The following KSR2 variants were observed in gnomAD, a reference collection of about 807,000 sequenced individuals.
KSR2 encodes the protein kinase suppressor of ras 2.
KSR2 carries 25 observed loss-of-function variants against 107.8 expected under a neutral mutation model. The observed-to-expected ratio is 0.23, with a 90% CI of 0.17 to 0.32. The LOEUF is 0.32. Among genes scored for constraint, KSR2 ranks in the 10% least tolerant of loss-of-function variants. The pLI is 1.00. For missense variants in KSR2, 887 were observed against 1,268.9 expected (o/e 0.70, Z 4.57); for synonymous variants, 480 against 507.0 (o/e 0.95, Z 0.71).
intron 1 of KSR2, among the ~76,000 whole-genome samples, chr12:117,899,211 C>T (rs1035874439): frequency 6.6e-6 from 1 of 152,146 alleles, no homozygotes; most frequent in African/African-American, 2.4e-5. Flanking sequence ...AAGTTAAACA[C>T]GGTTGGGCAC....
intron 1 of KSR2, among the ~76,000 whole-genome samples, chr12:117,958,097 TC>T (rs1405696319): frequency 6.6e-6 from 1 of 152,106 alleles, no homozygotes; most frequent in Non-Finnish European, 1.5e-5. Flanking sequence ...CCCCCCAAAG[TC>T]CTGGGATTAC....
chr12:117,894,009 AC>A (rs1894429561), intron 1 of KSR2, among the ~76,000 whole-genome samples: 1 of 148,564 alleles, frequency 6.7e-6, no homozygotes, highest in East Asian at 2.0e-4. Context: ...TCCCGGGTTC[AC>A]GCCATTCTCC....
chr12:117,877,055 C>T (rs960460497), intron 1 of KSR2, among the ~76,000 whole-genome samples: 2 of 152,132 alleles, frequency 1.3e-5, no homozygotes, highest in African/African-American at 4.8e-5. Context: ...GAATTTTCCA[C>T]TTGTGATGTC....
At chr12:117,493,112 G>A (rs73401453) in intron 14 of KSR2, among the ~76,000 whole-genome samples, 3,919 of 152,196 alleles carry the variant, frequency 0.026, 206 homozygotes, top group African/African-American at 0.089. Flanking sequence ...GCACACAAGC[G>A]CTTCATCCAG....
chr12:117,863,098 A>C (rs1254094813), intron 1 of KSR2, among the ~76,000 whole-genome samples: 1 of 152,102 alleles, frequency 6.6e-6, no homozygotes, highest in East Asian at 1.9e-4. Flanking sequence ...TTTGGCCCAC[A>C]GTCCATCCGG....
At chr12:117,933,448 G>T (rs1261227521) in intron 1 of KSR2, among the ~76,000 whole-genome samples, 1 of 151,984 alleles carries the variant, frequency 6.6e-6, no homozygotes, top group Non-Finnish European at 1.5e-5. Context: ...AAATTAGCCG[G>T]GTGTGGTGGC....
intron 5 of KSR2, among the ~76,000 whole-genome samples, chr12:117,636,744 GA>G (rs1469559096): frequency 6.6e-6 from 1 of 152,108 alleles, no homozygotes; most frequent in African/African-American, 2.4e-5. Flanking sequence ...TGACCTCAGG[GA>G]AGAAGAATTT....
At chr12:117,615,834 G>T (rs1457857865) in intron 5 of KSR2, among the ~76,000 whole-genome samples, 2 of 152,198 alleles carry the variant, frequency 1.3e-5, no homozygotes, top group Admixed American at 1.3e-4. Flanking sequence ...TGTATTGCTT[G>T]TTAAGCCAGT....
At position 117,527,088 on chromosome 12, in the gene KSR2, C is replaced by T. The variant is rs1875223230; in HGVS notation, c.1834G>A (p.Val612Met). 2 of 1,613,810 alleles carry T rather than the reference C, an allele frequency of 1.2e-6. No homozygotes were observed. The highest frequency in any genetic ancestry group is 1.7e-5 in the Admixed American group (1 of 60,016). The stretch of plus-strand genomic sequence containing the variant: ...ATTCTCACCTCCGACGTTGGCTCCA[C>T]TTCAATTTGAAGTAATGGATTTCCT... Reference protein sequence around the residue: ...LEGNPLLQIEVEPTSENEEVH... With the variant: ...LEGNPLLQIEMEPTSENEEVH... Residue 612 changes from valine (V) to methionine (M), a missense_variant, in exon 13 of 20, where the codon GTG (valine) becomes ATG (methionine). This residue lies in a region of KSR2 where 308 missense variants were observed against 506.2 expected (regional missense o/e 0.61). Coordinates refer to ENST00000339824, the MANE Select transcript of KSR2 (RefSeq NM_173598.6).
chr12:117,722,222 C>A (rs569528968), intron 4 of KSR2, among the ~76,000 whole-genome samples: 103 of 152,086 alleles, frequency 6.8e-4, no homozygotes, highest in African/African-American at 2.3e-3. Context: ...TAGTGGCTAC[C>A]ATATTAGACA....
At chr12:117,795,129 G>A (rs1890575198) in intron 3 of KSR2, among the ~76,000 whole-genome samples, 1 of 152,134 alleles carries the variant, frequency 6.6e-6, no homozygotes, top group Non-Finnish European at 1.5e-5. Context: ...CACGGCAAAG[G>A]ACACCGACTC....
intron 4 of KSR2, among the ~76,000 whole-genome samples, chr12:117,698,327 T>C (rs1413854326): frequency 6.6e-6 from 1 of 151,954 alleles, no homozygotes; most frequent in African/African-American, 2.4e-5. Flanking sequence ...CTCTCAGATT[T>C]TTTTTTTTTC....
chr12:117,511,622 T>C (rs952045110), intron 14 of KSR2, among the ~76,000 whole-genome samples: 5 of 152,228 alleles, frequency 3.3e-5, no homozygotes, highest in Non-Finnish European at 5.9e-5. Context: ...AAGCAGTATC[T>C]ACAAAGTCCT....
At chr12:117,617,118 G>C (rs1252144249) in intron 5 of KSR2, among the ~76,000 whole-genome samples, 5 of 152,198 alleles carry the variant, frequency 3.3e-5, no homozygotes, top group Middle Eastern at 3.4e-3. Context: ...GAAAATTCTT[G>C]ATCACTATCT....
intron 4 of KSR2, among the ~76,000 whole-genome samples, chr12:117,732,269 C>T (rs1355254775): frequency 2.6e-5 from 4 of 151,610 alleles, no homozygotes; most frequent in Admixed American, 6.6e-5. Flanking sequence ...AGGGATGACT[C>T]GGTGTCTGCT....
chr12:117,820,385 G>T (rs1286143518), intron 3 of KSR2, among the ~76,000 whole-genome samples: 1 of 152,176 alleles, frequency 6.6e-6, no homozygotes, highest in Non-Finnish European at 1.5e-5. Context: ...AGTAGATTAT[G>T]CTTTTCTTGA....
At chr12:117,724,263 G>T (rs1469487523) in intron 4 of KSR2, among the ~76,000 whole-genome samples, 2 of 148,846 alleles carry the variant, frequency 1.3e-5, no homozygotes, top group East Asian at 3.9e-4. Flanking sequence ...AGCTGAGATC[G>T]TGCCATTGCA....
intron 3 of KSR2, among the ~76,000 whole-genome samples, chr12:117,808,797 T>C (rs1891094909): frequency 6.6e-6 from 1 of 152,138 alleles, no homozygotes; most frequent in African/African-American, 2.4e-5. Flanking sequence ...AGCTCCTTCC[T>C]CCCAGGCCAC....
intron 3 of KSR2, among the ~76,000 whole-genome samples, chr12:117,794,488 ACAC>A (rs1314391553): frequency 1.4e-5 from 2 of 139,068 alleles, no homozygotes; most frequent in African/African-American, 5.7e-5. Flanking sequence ...ATGCACACTC[ACAC>A]CAACATGCAC....
Sources: gnomAD v4.1 joint callset for allele counts (sites outside exome capture counted in the v4.1 genomes callset) on GRCh38, gnomAD v4.1.1 for gene constraint, gnomAD v4.1.1 regional missense constraint, MANE v1.5 for transcripts, NCBI Gene and HGNC (gene_info 2026-07-23, HGNC 2026-07-21) for gene names.